Variants in TRABD2B observed in about 807,000 individuals in gnomAD.
TRABD2B encodes the protein TraB domain containing 2B, also known as metalloprotease TIKI2.
TRABD2B carries 14 observed loss-of-function variants against 40.1 expected under a neutral mutation model. The ratio of observed to expected loss-of-function variants is 0.35; its 90% CI spans 0.23 to 0.55. TRABD2B has a LOEUF of 0.55. Ranked by LOEUF, TRABD2B falls within the 20% of genes least tolerant of loss-of-function variation. The pLI is 0.90. For missense variants in TRABD2B, 541 were observed against 648.6 expected, an observed-to-expected ratio of 0.83 and a Z score of 1.80; for synonymous variants, 263 against 277.0, an observed-to-expected ratio of 0.95 and a Z score of 0.50.
intron 4 of TRABD2B, among the ~76,000 whole-genome samples, chr1:47,794,012 T>C (rs1366218623): frequency 2.0e-5 from 3 of 152,240 alleles, no homozygotes; most frequent in African/African-American, 4.8e-5. Context: ...GTTCCTACTA[T>C]GTGGCAGGTT....
chr1:47,885,574 CAAGGGG>C (rs1035457350), intron 2 of TRABD2B, among the ~76,000 whole-genome samples: 7 of 152,118 alleles, frequency 4.6e-5, no homozygotes, highest in African/African-American at 1.7e-4. Flanking sequence ...TTTAACGAAG[CAAGGGG>C]AAGTTTCTTT....
intron 3 of TRABD2B, among the ~76,000 whole-genome samples, chr1:47,795,221 T>A (rs915373624): frequency 1.6e-4 from 24 of 152,196 alleles, no homozygotes; most frequent in African/African-American, 5.5e-4. Flanking sequence ...CAGATAAGCA[T>A]TGTTATTCCA....
intron 2 of TRABD2B, among the ~76,000 whole-genome samples, chr1:47,840,958 AAG>A (rs937815323): frequency 1.3e-5 from 2 of 152,136 alleles, no homozygotes; most frequent in East Asian, 1.9e-4. Flanking sequence ...CAGGGAAGGA[AAG>A]AGAGAGAGAA....
At chr1:47,870,167 G>A in intron 2 of TRABD2B, among the ~76,000 whole-genome samples, 1 of 152,172 alleles carries the variant, frequency 6.6e-6, no homozygotes, top group Non-Finnish European at 1.5e-5. Context: ...ACCTGTAACT[G>A]CAAGGGAGAA....
At chr1:47,838,990 G>A (rs552850476) in intron 2 of TRABD2B, among the ~76,000 whole-genome samples, 1 of 152,354 alleles carries the variant, frequency 6.6e-6, no homozygotes, top group South Asian at 2.1e-4. Context: ...ATACCCTCAT[G>A]TGGCGGGAGG....
intron 4 of TRABD2B, among the ~76,000 whole-genome samples, chr1:47,788,912 G>GA (rs1043945443): frequency 6.6e-6 from 1 of 152,032 alleles, no homozygotes; most frequent in South Asian, 2.1e-4. Context: ...TCTAGTCCAG[G>GA]AAAAAAGAAT....
intron 2 of TRABD2B, among the ~76,000 whole-genome samples, chr1:47,862,510 T>C (rs2124559547): frequency 6.6e-6 from 1 of 152,042 alleles, no homozygotes; most frequent in Middle Eastern, 3.4e-3. Flanking sequence ...ACCAAAAATA[T>C]GAAATGCTAG....
chr1:47,885,960 T>C (rs922228504), intron 2 of TRABD2B, among the ~76,000 whole-genome samples: 1 of 152,180 alleles, frequency 6.6e-6, no homozygotes, highest in African/African-American at 2.4e-5. Context: ...AAATAATATT[T>C]ATGGGTCTGG....
chr1:47,881,637 A>G (rs755319862), intron 2 of TRABD2B, among the ~76,000 whole-genome samples: 7 of 152,222 alleles, frequency 4.6e-5, no homozygotes, highest in African/African-American at 7.2e-5. Flanking sequence ...AGCCATGTCT[A>G]CATGTATCCT....
chr1:47,948,855 GCCT>G (rs1325631780), intron 2 of TRABD2B, among the ~76,000 whole-genome samples: 1 of 152,010 alleles, frequency 6.6e-6, no homozygotes, highest in African/African-American at 2.4e-5. Flanking sequence ...CTCTCGCCAA[GCCT>G]CCTCATCACC....
intron 6 of TRABD2B, among the ~76,000 whole-genome samples, chr1:47,768,367 C>A (rs1191823055): frequency 6.6e-6 from 1 of 152,098 alleles, no homozygotes; most frequent in Non-Finnish European, 1.5e-5. Flanking sequence ...ATGTCCCTTA[C>A]ACACCCACAG....
At chr1:47,808,896 G>C (rs368749296) in intron 2 of TRABD2B, among the ~76,000 whole-genome samples, 5 of 152,130 alleles carry the variant, frequency 3.3e-5, no homozygotes, top group Admixed American at 6.5e-5. Context: ...CTGTCAGCTG[G>C]GAAGGAGAGG....
Position 47,994,388 on chromosome 1 carries a change from C to A in TRABD2B, c.312G>T (p.Pro104=). The change falls in exon 2 of 7, where the codon CCG becomes CCT. Residue 104 remains proline, a synonymous_variant. Transcript: ENST00000606738. The surrounding 1 kb of genome is among the most constrained non-coding windows in gnomAD (Gnocchi z 6.7). The part of the protein sequence containing the change: ...ISALASCQLL[P]HGENLQDVLP... ...GCACGTCCTGCAGGTTTTCCCCGTG[C>A]GGCAGCAGCTGGCAGCTGGCCAGGG... is the stretch of plus-strand genomic sequence containing the variant. The A allele has an allele frequency of 1.3e-6, 2 of 1,536,154 alleles. No individual in the cohort carries two copies. The highest frequency in any genetic ancestry group is 1.7e-6 in the Non-Finnish European group (2 of 1,146,906).
At chr1:47,898,592 C>T (rs1156420464) in intron 2 of TRABD2B, among the ~76,000 whole-genome samples, 2 of 152,124 alleles carry the variant, frequency 1.3e-5, no homozygotes, top group Non-Finnish European at 2.9e-5. Flanking sequence ...GCTCTAACTC[C>T]CTTATCTACA....
intron 2 of TRABD2B, among the ~76,000 whole-genome samples, chr1:47,844,301 G>A (rs1312690796): frequency 6.6e-6 from 1 of 152,202 alleles, no homozygotes; most frequent in Non-Finnish European, 1.5e-5. Context: ...TGCCTGCCCA[G>A]AGTTGGGGAG....
chr1:47,905,944 C>T (rs1048190539), intron 2 of TRABD2B, among the ~76,000 whole-genome samples: 6 of 152,188 alleles, frequency 3.9e-5, no homozygotes, highest in African/African-American at 1.2e-4. Flanking sequence ...TTGCACCTGC[C>T]GCTCTTAACC....
rs74384976 is a variant in TRABD2B at position 47,994,436 on chromosome 1, A to C, written c.264T>G (p.Leu88=). The C allele has an allele frequency of 3.1e-3, 4,739 of 1,536,144 alleles. 119 individuals carry two copies. In the African/African-American group the frequency reaches 0.053, roughly 17 times the overall value. The change falls in exon 2 of 7, where the codon CTT becomes CTG. Residue 88 remains leucine (L), a synonymous_variant. Coordinates refer to ENST00000606738, the MANE Select transcript of TRABD2B (RefSeq NM_001194986.2). This position sits in a 1 kb window ranked among gnomAD's most constrained non-coding sequence, Gnocchi z 6.7. The part of the protein sequence containing the change: ...ASTRVYFELD[L]TDPYTISALA... Reference sequence around the variant, plus strand: ...GGGCCGAGATGGTGTAGGGGTCTGTAAGGTCCAGCTCAAAGTAGACACGGG... The same window carrying C: ...GGGCCGAGATGGTGTAGGGGTCTGTCAGGTCCAGCTCAAAGTAGACACGGG...
chr1:47,767,263 G>A (rs1644317376), intron 6 of TRABD2B, among the ~76,000 whole-genome samples: 1 of 152,216 alleles, frequency 6.6e-6, no homozygotes, highest in Non-Finnish European at 1.5e-5. Flanking sequence ...CAGAGATGCA[G>A]ATGCAGACAG....
At chr1:47,943,135 G>A (rs1557670937) in intron 2 of TRABD2B, among the ~76,000 whole-genome samples, 1 of 152,140 alleles carries the variant, frequency 6.6e-6, no homozygotes, top group Non-Finnish European at 1.5e-5. Context: ...GGATAACACT[G>A]GTTACTCCAG....
Sources: allele counts gnomAD v4.1 joint callset (sites outside exome capture counted in the v4.1 genomes callset), GRCh38; gene constraint gnomAD v4.1.1; non-coding constraint Gnocchi (gnomAD v3.1); transcripts MANE v1.5; gene names NCBI Gene and HGNC (gene_info 2026-07-23, HGNC 2026-07-21).